The following FANCB variants were observed in gnomAD, a reference collection of about 807,000 sequenced individuals.
FANCB encodes the protein FA complementation group B, also known as Fanconi anemia group B protein.
In FANCB, 5 loss-of-function variants were observed where a neutral mutation model predicts 38.9. That is an observed-to-expected ratio of 0.13 (90% CI 0.07 to 0.27). The LOEUF (loss-of-function observed/expected upper bound fraction) is 0.27. Ranked by LOEUF, FANCB falls within the 10% of genes least tolerant of loss-of-function variation. The pLI is 1.00. For missense variants in FANCB, 573 were observed against 602.7 expected (o/e 0.95, Z 0.52); for synonymous variants, 236 against 215.4 (o/e 1.10, Z -0.84).
chrX:14,753,884 G>A, the FANCB span, among the ~76,000 whole-genome samples: 1 of 112,170 alleles, frequency 8.9e-6, no homozygotes, highest in African/African-American at 3.2e-5. Flanking sequence ...GCAGGCAAAA[G>A]CCAGAAATAA....
At chrX:14,870,607 A>G (rs938563588) in intron 1 of FANCB, among the ~76,000 whole-genome samples, 5 of 112,225 alleles carry the variant, frequency 4.5e-5, no homozygotes, top group African/African-American at 1.6e-4. Context: ...ATACTAGAAA[A>G]ATGATAATAT....
intron 5 of FANCB, 92 bp from the exon 6 acceptor site, chrX:14,853,259 G>T: frequency 1.2e-6 from 1 of 810,653 alleles, no homozygotes; most frequent in Non-Finnish European, 1.8e-6. Context: ...CTCCAAATGT[G>T]CTTATCAATT....
At chrX:14,702,307 T>C in the FANCB span, among the ~76,000 whole-genome samples, 1 of 111,724 alleles carries the variant, frequency 9.0e-6, no homozygotes, top group Middle Eastern at 4.3e-3. Flanking sequence ...TCACTCTATA[T>C]AGAAAGGATC....
the FANCB span, among the ~76,000 whole-genome samples, chrX:14,753,420 A>G: frequency 8.9e-6 from 1 of 112,660 alleles, no homozygotes; most frequent in Non-Finnish European, 1.9e-5. Context: ...CGACTTATCT[A>G]TTGCTATGTC....
the FANCB span, among the ~76,000 whole-genome samples, chrX:14,810,412 C>G: frequency 8.9e-6 from 1 of 111,732 alleles, no homozygotes; most frequent in Non-Finnish European, 1.9e-5. Context: ...AAGTTAAAAA[C>G]TTTGAAAAAA....
chrX:14,832,429 T>C (rs774143201), downstream of FANCB, among the ~76,000 whole-genome samples: 6 of 111,641 alleles, frequency 5.4e-5, no homozygotes, highest in East Asian at 1.7e-3. Flanking sequence ...AACAACCCTA[T>C]TTCTAAACAA....
chrX:14,787,196 C>G, the FANCB span, among the ~76,000 whole-genome samples: 2,993 of 110,685 alleles, frequency 0.027, 98 homozygotes, highest in African/African-American at 0.093. Context: ...TCATTCAATT[C>G]TTGCCATCCT....
chrX:14,795,400 C>G, the FANCB span, among the ~76,000 whole-genome samples: 1 of 111,694 alleles, frequency 9.0e-6, no homozygotes. Context: ...TACAGTTTAG[C>G]TGCAGAGAGA....
At chrX:14,720,515 TC>T in the FANCB span, among the ~76,000 whole-genome samples, 4 of 110,999 alleles carry the variant, frequency 3.6e-5, no homozygotes, top group African/African-American at 1.3e-4. Flanking sequence ...TATAGACTCT[TC>T]CATTCAAAAA....
At chrX:14,723,044 T>G in the FANCB span, among the ~76,000 whole-genome samples, 2 of 112,378 alleles carry the variant, frequency 1.8e-5, no homozygotes, top group Non-Finnish European at 3.8e-5. Context: ...GCAAACAGTT[T>G]GGGGTTGAAA....
At chrX:14,806,184 G>C in the FANCB span, among the ~76,000 whole-genome samples, 7 of 111,629 alleles carry the variant, frequency 6.3e-5, no homozygotes, top group African/African-American at 2.3e-4. Flanking sequence ...TGAGAAAGGA[G>C]GGAAGAGGAT....
chrX:14,777,919 G>A, the FANCB span, among the ~76,000 whole-genome samples: 1 of 111,852 alleles, frequency 8.9e-6, no homozygotes, highest in East Asian at 2.8e-4. Flanking sequence ...AGATATATGT[G>A]AGTTCTCTGG....
the FANCB span, among the ~76,000 whole-genome samples, chrX:14,702,329 A>G: frequency 8.9e-6 from 1 of 112,005 alleles, no homozygotes; most frequent in Non-Finnish European, 1.9e-5. Context: ...GATTGGAATA[A>G]GGCACAAGAT....
At chrX:14,750,424 C>T in the FANCB span, among the ~76,000 whole-genome samples, 1 of 112,027 alleles carries the variant, frequency 8.9e-6, no homozygotes, top group Admixed American at 9.4e-5. Context: ...TCAAAGTCTA[C>T]GGCCGAATCC....
chrX:14,744,140 T>G, the FANCB span, among the ~76,000 whole-genome samples: 6,425 of 111,478 alleles, frequency 0.058, 222 homozygotes, highest in East Asian at 0.11. Context: ...TACATACAGA[T>G]TAAGCCAGAG....
chrX:14,720,963 C>T, the FANCB span, among the ~76,000 whole-genome samples: 1 of 109,080 alleles, frequency 9.2e-6, no homozygotes, highest in Non-Finnish European at 1.9e-5. Flanking sequence ...GAGACCCCCA[C>T]CTCTACAAAA....
the FANCB span, among the ~76,000 whole-genome samples, chrX:14,716,589 A>G: frequency 1.3e-3 from 149 of 111,524 alleles, no homozygotes; most frequent in Middle Eastern, 0.014. Context: ...CTTAGAATTA[A>G]GAGGATCACT....
chrX:14,812,093 A>G, the FANCB span, among the ~76,000 whole-genome samples: 1 of 110,560 alleles, frequency 9.0e-6, no homozygotes, highest in African/African-American at 3.3e-5. Context: ...GAAGGCAGAA[A>G]TAAAGATGTT....
chrX:14,853,008 AATG>A (rs775308925), intron 6 of FANCB, 28 bp downstream of exon 6: 4 of 1,162,369 alleles, frequency 3.4e-6, no homozygotes, highest in Non-Finnish European at 4.7e-6. Flanking sequence ...CAATTCATAA[AATG>A]ATAAAATGGT....
Sources: gnomAD v4.1 joint callset for allele counts (sites outside exome capture counted in the v4.1 genomes callset) on GRCh38, gnomAD v4.1.1 for gene constraint, MANE v1.5 for transcripts, NCBI Gene and HGNC (gene_info 2026-07-23, HGNC 2026-07-21) for gene names.